Variants in HECW2 observed in about 807,000 individuals in gnomAD.
HECW2 encodes HECT, C2 and WW domain containing E3 ubiquitin protein ligase 2.
Under a neutral mutation model 175.2 loss-of-function variants are expected in HECW2, and 61 were observed. That is an observed-to-expected ratio of 0.35 (90% CI 0.28 to 0.43). HECW2 has a LOEUF of 0.43. Ranked by LOEUF, HECW2 falls within the 20% of genes least tolerant of loss-of-function variation. HECW2 has a pLI of 1.00. For missense variants in HECW2, 1,524 were observed against 2,000.5 expected (o/e 0.76, Z 4.54); for synonymous variants, 671 against 731.0 (o/e 0.92, Z 1.32).
At chr2:196,209,420 G>C (rs1687183452) in intron 28 of HECW2, among the ~76,000 whole-genome samples, 1 of 152,168 alleles carries the variant, frequency 6.6e-6, no homozygotes, top group Non-Finnish European at 1.5e-5. Flanking sequence ...CTTTAATATG[G>C]TGATGTGATG....
chr2:196,351,471 C>T (rs1693169142), intron 2 of HECW2, among the ~76,000 whole-genome samples: 1 of 152,008 alleles, frequency 6.6e-6, no homozygotes, highest in Admixed American at 6.6e-5. Flanking sequence ...ACTCCAAAAC[C>T]TCCATACGGT....
Position 196,322,645 on chromosome 2 carries a change from C to T in HECW2, c.742-25G>A, listed in dbSNP as rs370546910. ...TCTGAAAACACAAACAGATAACATGCTGGTTTAAAAGAAAGACAAATATGA... is the reference window on the plus strand; with the variant it reads ...TCTGAAAACACAAACAGATAACATGTTGGTTTAAAAGAAAGACAAATATGA... On this transcript the variant is annotated intron_variant, in intron 6 of 28. Transcript: ENST00000644978. 4 of 1,596,480 alleles carry T rather than the reference C, an allele frequency of 2.5e-6. No homozygotes were observed. The South Asian group carries it at 3.3e-5, about 13-fold the overall frequency.
At chr2:196,441,309 C>G (rs749182005) in intron 1 of HECW2, among the ~76,000 whole-genome samples, 2 of 151,682 alleles carry the variant, frequency 1.3e-5, no homozygotes, top group Non-Finnish European at 2.9e-5. Context: ...TAAATAAAAC[C>G]AATAATAATA....
chr2:196,422,619 G>T (rs1170921355), intron 2 of HECW2, among the ~76,000 whole-genome samples: 1 of 152,018 alleles, frequency 6.6e-6, no homozygotes, highest in African/African-American at 2.4e-5. Context: ...CCTTTGTTCT[G>T]TTAAGCCCTG....
At chr2:196,383,573 C>T (rs529423155) in intron 2 of HECW2, among the ~76,000 whole-genome samples, 2 of 152,222 alleles carry the variant, frequency 1.3e-5, no homozygotes, top group East Asian at 1.9e-4. Flanking sequence ...AAAGAGTAGA[C>T]CTTTTCAAGA....
intron 14 of HECW2, chr2:196,289,568 A>G (rs1428137024): frequency 1.3e-5 from 2 of 152,190 alleles, no homozygotes; most frequent in Non-Finnish European, 2.9e-5. Flanking sequence ...GTTGGAGATC[A>G]CCAGGTTGCC....
At chr2:196,287,922 T>C (rs2106015962) in intron 14 of HECW2, 1 of 152,274 alleles carries the variant, frequency 6.6e-6, no homozygotes, top group Admixed American at 6.5e-5. Context: ...AGGTATCTCA[T>C]GCCATAAATA....
At chr2:196,520,752 T>G (rs1688334774) in intron 1 of HECW2, among the ~76,000 whole-genome samples, 3 of 152,204 alleles carry the variant, frequency 2.0e-5, no homozygotes, top group Admixed American at 1.3e-4. Context: ...GACTATCATA[T>G]ATCAACGTTC....
Position 196,278,922 on chromosome 2 carries a change from C to T in HECW2, c.3001-260G>A, listed in dbSNP as rs375812380. On this transcript the variant is annotated intron_variant, in intron 14 of 28. Transcript: ENST00000644978. ...TTTAGGAAATGCTCCACGAGATAGT[C>T]ACCAAAGACATGATCCAAGAAGGAA... is the stretch of plus-strand genomic sequence containing the variant. Among the ~76,000 whole-genome samples, 15 of 152,228 alleles carry T rather than the reference C, an allele frequency of 9.9e-5. 1 individual carries two copies. In the East Asian group the frequency reaches 1.9e-3, roughly 20 times the overall value.
chr2:196,407,070 G>A (rs752895645), intron 2 of HECW2, among the ~76,000 whole-genome samples: 5 of 152,122 alleles, frequency 3.3e-5, no homozygotes, highest in Non-Finnish European at 7.3e-5. Flanking sequence ...CCAAGTGGAT[G>A]CTCAATAAAT....
intron 5 of HECW2, 126 bp downstream of exon 5, chr2:196,329,449 A>G (rs772304600): frequency 3.2e-6 from 2 of 622,090 alleles, no homozygotes; most frequent in Non-Finnish European, 5.8e-6. Flanking sequence ...TTTCAGAAGT[A>G]TGACCCCCCA....
chr2:196,409,978 G>C (rs1401113240), intron 2 of HECW2, among the ~76,000 whole-genome samples: 1 of 152,148 alleles, frequency 6.6e-6, no homozygotes, highest in African/African-American at 2.4e-5. Context: ...GGTAGAGTTT[G>C]GGGGTTCATT....
At chr2:196,202,064 G>A (rs1259952506) in intron 28 of HECW2, among the ~76,000 whole-genome samples, 2 of 152,044 alleles carry the variant, frequency 1.3e-5, no homozygotes, top group East Asian at 1.9e-4. Context: ...AAAAAAATAT[G>A]TTTTCCTGTT....
chr2:196,251,652 C>T (rs1559464952), intron 19 of HECW2, among the ~76,000 whole-genome samples: 1 of 152,172 alleles, frequency 6.6e-6, no homozygotes, highest in Admixed American at 6.5e-5. Flanking sequence ...TGACTCTTCC[C>T]TACCTCTACT....
chr2:196,515,558 G>T lies in HECW2; in HGVS notation c.-36+77950C>A, dbSNP rs532501247. ...TGCCAGTAATGTGCAGCAGGACCATGTAACAACATGCAACCCTTTCCAACT... is the reference window on the plus strand; with the variant it reads ...TGCCAGTAATGTGCAGCAGGACCATTTAACAACATGCAACCCTTTCCAACT... On this transcript the variant is annotated intron_variant, in intron 1 of 28. Transcript: ENST00000644978. Among the ~76,000 whole-genome samples, 5 of 152,304 alleles carry T rather than the reference G, an allele frequency of 3.3e-5. No homozygotes were observed. In the East Asian group the frequency reaches 5.8e-4, roughly 18 times the overall value.
chr2:196,352,505 C>T (rs1693208562), intron 2 of HECW2, among the ~76,000 whole-genome samples: 1 of 152,224 alleles, frequency 6.6e-6, no homozygotes, highest in Non-Finnish European at 1.5e-5. Context: ...AGGCACAGGG[C>T]ACACTTGTTG....
chr2:196,538,589 T>C (rs1689099079), intron 1 of HECW2, among the ~76,000 whole-genome samples: 1 of 152,184 alleles, frequency 6.6e-6, no homozygotes, highest in Non-Finnish European at 1.5e-5. Flanking sequence ...TGGAGTTTGG[T>C]TAGTCCCAGA....
At chr2:196,206,205 C>G (rs943660707) in intron 28 of HECW2, among the ~76,000 whole-genome samples, 1 of 152,204 alleles carries the variant, frequency 6.6e-6, no homozygotes, top group Non-Finnish European at 1.5e-5. Context: ...CACACTAAAG[C>G]TATAATGGGT....
At chr2:196,342,291 C>T (rs968930711) in intron 3 of HECW2, among the ~76,000 whole-genome samples, 2 of 151,578 alleles carry the variant, frequency 1.3e-5, no homozygotes, top group African/African-American at 2.4e-5. Flanking sequence ...GTAATCCCAG[C>T]TACTCTGGAG....
Sources: allele counts gnomAD v4.1 joint callset (sites outside exome capture counted in the v4.1 genomes callset), GRCh38; gene constraint gnomAD v4.1.1; transcripts MANE v1.5; gene names NCBI Gene and HGNC (gene_info 2026-07-23, HGNC 2026-07-21).